NTRK3: variants seen among roughly 807,000 people sequenced by gnomAD.
NTRK3 encodes neurotrophic receptor tyrosine kinase 3.
In NTRK3, 24 loss-of-function variants were observed where a neutral mutation model predicts 91.7. That is an observed-to-expected ratio of 0.26 (90% CI 0.19 to 0.37). The LOEUF (loss-of-function observed/expected upper bound fraction) is 0.37, where lower values mean the gene tolerates loss of function less well. Ranked by LOEUF, NTRK3 falls within the 10% of genes least tolerant of loss-of-function variation. The pLI is 1.00. For synonymous variants in NTRK3, 483 were observed against 404.0 expected, an observed-to-expected ratio of 1.20 and a Z score of -2.34; for missense variants, 880 against 1,068.9, an observed-to-expected ratio of 0.82 and a Z score of 2.46.
chr15:87,990,938 C>G (rs1001159956), intron 14 of NTRK3, among the ~76,000 whole-genome samples: 1 of 152,174 alleles, frequency 6.6e-6, no homozygotes, highest in Non-Finnish European at 1.5e-5. Flanking sequence ...CAACCCTAAC[C>G]TCCACTGTTT....
chr15:87,912,931 A>AAAAAATATATATAT (rs1484111389), intron 17 of NTRK3, among the ~76,000 whole-genome samples: 1 of 36,498 alleles, frequency 2.7e-5, no homozygotes, highest in East Asian at 7.9e-4. Flanking sequence ...AGTAAAAAAA[A>AAAAAATATATATAT]ATATATATAT....
At chr15:88,197,573 G>C (rs1019795099) in intron 3 of NTRK3, among the ~76,000 whole-genome samples, 1 of 152,162 alleles carries the variant, frequency 6.6e-6, no homozygotes, top group African/African-American at 2.4e-5. Flanking sequence ...ACCCTTTGAG[G>C]ACAGAAGCAA....
intron 14 of NTRK3, among the ~76,000 whole-genome samples, chr15:87,947,768 C>T (rs1410360402): frequency 2.0e-5 from 3 of 152,126 alleles, no homozygotes. Context: ...TAACCAGACC[C>T]TAGGGTCTCT....
intron 13 of NTRK3, among the ~76,000 whole-genome samples, chr15:88,105,197 C>T (rs1327595707): frequency 6.6e-6 from 1 of 152,224 alleles, no homozygotes; most frequent in East Asian, 1.9e-4. Flanking sequence ...ACCACGGCTC[C>T]TCGTCCCCAG....
At chr15:88,215,468 C>T (rs991959961) in intron 3 of NTRK3, among the ~76,000 whole-genome samples, 9 of 152,230 alleles carry the variant, frequency 5.9e-5, no homozygotes, top group Admixed American at 6.5e-5. Flanking sequence ...TCCCCTGAAA[C>T]GTTCCGTGCT....
At chr15:87,978,062 C>T in intron 14 of NTRK3, 1 of 232,572 alleles carries the variant, frequency 4.3e-6, no homozygotes, top group East Asian at 6.1e-5. Context: ...ACAATGGAGG[C>T]CCCATGGGCC....
intron 14 of NTRK3, among the ~76,000 whole-genome samples, chr15:87,961,316 T>A (rs898717712): frequency 6.6e-6 from 1 of 152,234 alleles, no homozygotes; most frequent in African/African-American, 2.4e-5. Context: ...GTTTAGAGAC[T>A]ATCATTAAAC....
intron 14 of NTRK3, among the ~76,000 whole-genome samples, chr15:87,949,254 C>T (rs913862294): frequency 1.3e-5 from 2 of 151,956 alleles, no homozygotes; most frequent in Admixed American, 1.3e-4. Context: ...GTCCTGGCTC[C>T]GAGAATGGCC....
At chr15:88,124,587 T>TG (rs2053088760) in intron 13 of NTRK3, among the ~76,000 whole-genome samples, 1 of 152,180 alleles carries the variant, frequency 6.6e-6, no homozygotes, top group Admixed American at 6.5e-5. Flanking sequence ...AAAAGCTCCC[T>TG]GCATGGTAGG....
intron 14 of NTRK3, among the ~76,000 whole-genome samples, chr15:88,012,405 C>A (rs1362876018): frequency 6.6e-6 from 1 of 152,208 alleles, no homozygotes; most frequent in African/African-American, 2.4e-5. Context: ...GCCTTGCTTA[C>A]ATCCTCCTTC....
chr15:88,227,964 G>A (rs1009470676), intron 3 of NTRK3, among the ~76,000 whole-genome samples: 3 of 152,082 alleles, frequency 2.0e-5, no homozygotes, highest in Non-Finnish European at 4.4e-5. Context: ...GGCATCCTTG[G>A]CTTCAGCCCT....
chr15:87,931,828 C>T (rs940290927), intron 16 of NTRK3, among the ~76,000 whole-genome samples: 1 of 152,216 alleles, frequency 6.6e-6, no homozygotes, highest in African/African-American at 2.4e-5. Context: ...TGTCCCACTT[C>T]AAGAGGATGC....
At chr15:87,935,826 G>A (rs1034446913) in intron 15 of NTRK3, among the ~76,000 whole-genome samples, 5 of 152,214 alleles carry the variant, frequency 3.3e-5, no homozygotes, top group African/African-American at 9.6e-5. Context: ...GTGAGGCAGA[G>A]ATGGGTTCTT....
chr15:88,121,192 G>A (rs184538919), intron 13 of NTRK3, among the ~76,000 whole-genome samples: 1 of 152,252 alleles, frequency 6.6e-6, no homozygotes, highest in East Asian at 1.9e-4. Context: ...TAATTTTGAT[G>A]CTCACCTTAT....
intron 14 of NTRK3, among the ~76,000 whole-genome samples, chr15:88,013,568 A>G (rs937369006): frequency 5.3e-5 from 8 of 152,238 alleles, no homozygotes; most frequent in Admixed American, 4.6e-4. Flanking sequence ...ATTAAGTAAC[A>G]TGAAAGCAGC....
chr15:87,891,018 T>A (rs1173889747), intron 17 of NTRK3, among the ~76,000 whole-genome samples: 2 of 152,228 alleles, frequency 1.3e-5, no homozygotes, highest in East Asian at 3.8e-4. Context: ...ACTTCTTTAA[T>A]TTTATGTTTG....
intron 16 of NTRK3, among the ~76,000 whole-genome samples, chr15:87,929,783 ACTATATG>A (rs1346064660): frequency 1.4e-4 from 22 of 152,172 alleles, no homozygotes; most frequent in African/African-American, 4.1e-4. Context: ...CATAGCCCTT[ACTATATG>A]CTCTGATTGT....
chr15:87,964,023 T>A (rs1389841469), intron 14 of NTRK3, among the ~76,000 whole-genome samples: 1 of 152,102 alleles, frequency 6.6e-6, no homozygotes, highest in Admixed American at 6.6e-5. Flanking sequence ...AAAACAACAA[T>A]GAGGGAGTTC....
intron 17 of NTRK3, among the ~76,000 whole-genome samples, chr15:87,909,823 T>A (rs2066983582): frequency 6.6e-6 from 1 of 152,112 alleles, no homozygotes; most frequent in Admixed American, 6.5e-5. Flanking sequence ...GATGACCATG[T>A]GGGGACACAG....
Sources: allele counts gnomAD v4.1 joint callset (sites outside exome capture counted in the v4.1 genomes callset), GRCh38; gene constraint gnomAD v4.1.1; transcripts MANE v1.5; gene names NCBI Gene and HGNC (gene_info 2026-07-23, HGNC 2026-07-21).